The following AGBL4 variants were observed in gnomAD, a reference collection of about 807,000 sequenced individuals.
The protein encoded by AGBL4 is AGBL carboxypeptidase 4, also known as cytosolic carboxypeptidase 6.
Under a neutral mutation model 66.4 loss-of-function variants are expected in AGBL4, and 58 were observed. The observed-to-expected ratio is 0.87, with a 90% CI of 0.71 to 1.09. The LOEUF is 1.09. Among genes scored for constraint, AGBL4 ranks in the 50% least tolerant of loss-of-function variants. The pLI, the probability that AGBL4 is intolerant of heterozygous loss-of-function variation, is 0.00. For synonymous variants in AGBL4, 234 were observed against 222.9 expected (o/e 1.05, Z -0.44); for missense variants, 579 against 631.0 (o/e 0.92, Z 0.88).
chr1:49,680,238 A>G (rs1423876131), intron 3 of AGBL4, among the ~76,000 whole-genome samples: 2 of 151,576 alleles, frequency 1.3e-5, no homozygotes, highest in Non-Finnish European at 2.9e-5. Flanking sequence ...ATTAGTAGAG[A>G]TGGGGTTTCA....
chr1:49,947,963 AATATATATATTTATAAATATATATTTAT>A lies in AGBL4; in HGVS notation c.34+75772_34+75799del, dbSNP rs1156583727. Among the ~76,000 whole-genome samples the A allele has an allele frequency of 2.9e-3, 218 of 74,952 alleles. 6 individuals are homozygous for A. The highest frequency in any genetic ancestry group is 8.4e-3 in the African/African-American group (209 of 25,014). 49.2% of individuals were successfully genotyped at this position (74,952 alleles called of 152,430 possible). A position where few individuals can be genotyped will look rare whatever the true frequency, so the allele number is the denominator to read the frequency against. The stretch of plus-strand genomic sequence containing the variant: ...TTGCAATAGCTGCAATATATATATA[AATATATATATTTATAAATATATATTTAT>A]ATATATAAATATATATAAATATATA... On this transcript the variant is annotated intron_variant, in intron 1 of 13. Coordinates refer to ENST00000371839, the MANE Select transcript of AGBL4 (RefSeq NM_032785.4).
intron 3 of AGBL4, among the ~76,000 whole-genome samples, chr1:49,591,225 A>G (rs1383108100): frequency 1.3e-5 from 2 of 152,092 alleles, no homozygotes; most frequent in African/African-American, 4.8e-5. Flanking sequence ...TGAAACCAAA[A>G]GTTGTTTTTT....
chr1:48,770,292 A>G (rs1389502872), intron 6 of AGBL4, among the ~76,000 whole-genome samples: 1 of 152,208 alleles, frequency 6.6e-6, no homozygotes, highest in Non-Finnish European at 1.5e-5. Context: ...ATGAGTGAAA[A>G]GGAAAAGGTA....
intron 3 of AGBL4, among the ~76,000 whole-genome samples, chr1:49,347,314 C>T (rs960337877): frequency 2.0e-5 from 3 of 148,746 alleles, no homozygotes; most frequent in Non-Finnish European, 3.0e-5. Flanking sequence ...TGCAGTGGCA[C>T]GATCTCAGCT....
chr1:49,702,327 C>T (rs537540661), intron 2 of AGBL4, among the ~76,000 whole-genome samples: 1 of 152,046 alleles, frequency 6.6e-6, no homozygotes, highest in African/African-American at 2.4e-5. Context: ...CTCGTCTCTA[C>T]TAAAAATACA....
At chr1:49,094,708 T>C (rs1011022929) in intron 4 of AGBL4, among the ~76,000 whole-genome samples, 3 of 152,146 alleles carry the variant, frequency 2.0e-5, no homozygotes, top group African/African-American at 7.2e-5. Flanking sequence ...GAGCTATTTA[T>C]GACAAACCCA....
intron 5 of AGBL4, among the ~76,000 whole-genome samples, chr1:48,938,949 C>A (rs1655712913): frequency 6.6e-6 from 1 of 152,188 alleles, no homozygotes; most frequent in Non-Finnish European, 1.5e-5. Flanking sequence ...CACATTTAAT[C>A]TTCAAGGAAG....
intron 6 of AGBL4, among the ~76,000 whole-genome samples, chr1:48,707,773 T>G (rs1646903654): frequency 6.6e-6 from 1 of 152,162 alleles, no homozygotes; most frequent in Non-Finnish European, 1.5e-5. Context: ...AGTGACACAC[T>G]TCAGCTGGTG....
At chr1:49,771,129 G>A (rs145286161) in intron 2 of AGBL4, among the ~76,000 whole-genome samples, 4 of 151,930 alleles carry the variant, frequency 2.6e-5, no homozygotes, top group South Asian at 4.2e-4. Context: ...CTTGTTGTAC[G>A]TGCTTATTGC....
intron 6 of AGBL4, among the ~76,000 whole-genome samples, chr1:48,866,200 G>A (rs1296566910): frequency 2.0e-5 from 3 of 152,176 alleles, no homozygotes; most frequent in South Asian, 4.1e-4. Flanking sequence ...CTCTTTGAAA[G>A]TGAGGCACTG....
chr1:49,998,979 T>A (rs1311916949), intron 1 of AGBL4, among the ~76,000 whole-genome samples: 1 of 152,008 alleles, frequency 6.6e-6, no homozygotes, highest in South Asian at 2.1e-4. Context: ...AACATTATAC[T>A]GAATGGGAAA....
intron 8 of AGBL4, among the ~76,000 whole-genome samples, chr1:48,641,763 G>A (rs1038185385): frequency 1.3e-5 from 2 of 152,102 alleles, no homozygotes; most frequent in Non-Finnish European, 2.9e-5. Flanking sequence ...AGTGACAGAG[G>A]CAGAGCTTGA....
At chr1:49,946,100 T>C (rs567684982) in intron 1 of AGBL4, among the ~76,000 whole-genome samples, 1 of 151,338 alleles carries the variant, frequency 6.6e-6, no homozygotes, top group Admixed American at 6.6e-5. Flanking sequence ...GACAGCAACA[T>C]AATAACAGTA....
At chr1:49,073,373 T>A (rs1644648429) in intron 4 of AGBL4, among the ~76,000 whole-genome samples, 1 of 152,210 alleles carries the variant, frequency 6.6e-6, no homozygotes, top group Admixed American at 6.5e-5. Context: ...TTTCTCCCCA[T>A]CTTTGTGGTT....
intron 4 of AGBL4, among the ~76,000 whole-genome samples, chr1:49,049,533 T>G (rs1310002866): frequency 5.9e-5 from 9 of 152,090 alleles, no homozygotes. Flanking sequence ...TTACCTCTAG[T>G]CATGGCATAG....
chr1:49,663,545 G>T (rs942499813), intron 3 of AGBL4, among the ~76,000 whole-genome samples: 1 of 152,140 alleles, frequency 6.6e-6, no homozygotes, highest in South Asian at 2.1e-4. Context: ...CCAGGAATCT[G>T]CATTGAATTA....
At chr1:49,907,661 T>C (rs955449044) in intron 1 of AGBL4, among the ~76,000 whole-genome samples, 3 of 151,968 alleles carry the variant, frequency 2.0e-5, no homozygotes, top group Non-Finnish European at 2.9e-5. Flanking sequence ...GGGCTAGAGG[T>C]TGAGAGACAG....
intron 3 of AGBL4, among the ~76,000 whole-genome samples, chr1:49,574,070 G>T (rs539237040): frequency 1.3e-5 from 2 of 152,076 alleles, no homozygotes; most frequent in East Asian, 3.9e-4. Context: ...CCCCAACACC[G>T]CTGTTTGCTT....
chr1:49,083,629 G>A (rs1644846829), intron 4 of AGBL4, among the ~76,000 whole-genome samples: 1 of 152,230 alleles, frequency 6.6e-6, no homozygotes, highest in African/African-American at 2.4e-5. Flanking sequence ...CTTGTGATAG[G>A]AGGGGCTGCC....
Sources: allele counts gnomAD v4.1 joint callset (sites outside exome capture counted in the v4.1 genomes callset), GRCh38; gene constraint gnomAD v4.1.1; transcripts MANE v1.5; gene names NCBI Gene and HGNC (gene_info 2026-07-23, HGNC 2026-07-21).